ATAD2B: variants seen among roughly 807,000 people sequenced by gnomAD.
ATAD2B encodes the protein ATPase family AAA domain containing 2B.
A neutral mutation model predicts 167.6 loss-of-function variants in ATAD2B; 40 were observed. The ratio of observed to expected loss-of-function variants is 0.24; its 90% CI spans 0.19 to 0.31. The LOEUF is 0.31. Ranked by LOEUF, ATAD2B falls within the 10% of genes least tolerant of loss-of-function variation. The pLI, the probability that ATAD2B is intolerant of heterozygous loss-of-function variation, is 1.00. For synonymous variants in ATAD2B, 579 were observed against 596.5 expected, an observed-to-expected ratio of 0.97 and a Z score of 0.43; for missense variants, 1,242 against 1,757.2, an observed-to-expected ratio of 0.71 and a Z score of 5.24.
chr2:23,823,688 G>T, intron 15 of ATAD2B, 119 bp from the exon 16 acceptor site: 1 of 887,094 alleles, frequency 1.1e-6, no homozygotes, highest in Non-Finnish European at 1.6e-6. Flanking sequence ...CAATAACTAT[G>T]TGCAATTTTA....
At chr2:23,828,794 G>T in intron 15 of ATAD2B, 55 bp downstream of exon 15, 2 of 1,099,278 alleles carry the variant, frequency 1.8e-6, no homozygotes, top group Non-Finnish European at 1.4e-6. Context: ...AAGGGGAAAG[G>T]GAGGTTGAGC....
At chr2:23,812,848 C>CAA (rs71402512) in intron 17 of ATAD2B, among the ~76,000 whole-genome samples, 61,055 of 129,434 alleles carry the variant, frequency 0.47, 14,871 homozygotes, top group East Asian at 0.76. Flanking sequence ...GACTCAGTCT[C>CAA]AAAAAAAAAA....
At chr2:23,764,818 G>A (rs942193580) in intron 23 of ATAD2B, among the ~76,000 whole-genome samples, 4 of 142,136 alleles carry the variant, frequency 2.8e-5, no homozygotes, top group Non-Finnish European at 6.3e-5. Flanking sequence ...CTTTACATAT[G>A]CTATTGTTTT....
chr2:23,718,349 A>G, the ATAD2B span, among the ~76,000 whole-genome samples: 2 of 152,240 alleles, frequency 1.3e-5, no homozygotes, highest in African/African-American at 4.8e-5. Flanking sequence ...AGTGGCCATG[A>G]TAGCAGAAGT....
intron 13 of ATAD2B, among the ~76,000 whole-genome samples, chr2:23,837,955 A>C (rs1690275161): frequency 6.6e-6 from 1 of 152,210 alleles, no homozygotes; most frequent in South Asian, 2.1e-4. Context: ...CTGTAGTTCT[A>C]GTAACAATGT....
the ATAD2B span, among the ~76,000 whole-genome samples, chr2:23,678,310 T>C: frequency 4.1e-4 from 63 of 152,140 alleles, 1 homozygote; most frequent in African/African-American, 1.2e-3. Context: ...TTAGAACCAA[T>C]GGGGTTTGAG....
the ATAD2B span, among the ~76,000 whole-genome samples, chr2:23,722,613 G>A: frequency 2.0e-5 from 3 of 151,990 alleles, no homozygotes; most frequent in Non-Finnish European, 4.4e-5. Context: ...TCATATTATG[G>A]GCATTCCAGG....
At chr2:23,699,311 G>T in the ATAD2B span, among the ~76,000 whole-genome samples, 14 of 152,318 alleles carry the variant, frequency 9.2e-5, no homozygotes, top group South Asian at 2.9e-3. Flanking sequence ...AACCCTGGTG[G>T]CACAGCATGC....
chr2:23,885,097 T>C (rs192656203), intron 5 of ATAD2B, among the ~76,000 whole-genome samples: 2 of 152,292 alleles, frequency 1.3e-5, no homozygotes, highest in East Asian at 3.9e-4. Flanking sequence ...GCCAGCAACA[T>C]ACTTTCTCCC....
chr2:23,754,881 A>AG (rs1291558797), intron 25 of ATAD2B, 107 bp from the exon 26 acceptor site: 1 of 1,174,566 alleles, frequency 8.5e-7, no homozygotes. Flanking sequence ...TTTTGGAATG[A>AG]GGAAGGGTGT....
Position 23,795,582 on chromosome 2 carries a change from C to T in ATAD2B, c.2640+2556G>A, listed in dbSNP as rs1382508576. Among the ~76,000 whole-genome samples, 5 of 151,986 alleles carry T rather than the reference C, an allele frequency of 3.3e-5. No individual in the cohort carries two copies. The East Asian group carries it at 9.7e-4, about 29-fold the overall frequency. On this transcript the variant is annotated intron_variant, in intron 19 of 27. Transcript: ENST00000238789. Reference sequence around the variant, plus strand: ...TAGAGATTACTATCTTAGTTTGTGACCTAAAGAAAGCAAGCAGGCTAGGCG... The same window carrying T: ...TAGAGATTACTATCTTAGTTTGTGATCTAAAGAAAGCAAGCAGGCTAGGCG...
intron 14 of ATAD2B, among the ~76,000 whole-genome samples, chr2:23,831,148 C>T (rs1309368465): frequency 6.6e-6 from 1 of 152,090 alleles, no homozygotes; most frequent in East Asian, 1.9e-4. Context: ...CAAAGGGCTT[C>T]CTCTAATAGA....
the ATAD2B span, among the ~76,000 whole-genome samples, chr2:23,723,625 T>C: frequency 3.9e-5 from 6 of 152,080 alleles, no homozygotes; most frequent in Non-Finnish European, 7.4e-5. Context: ...AAAACCACAC[T>C]GAGGATGTAG....
chr2:23,735,897 A>G, the ATAD2B span, among the ~76,000 whole-genome samples: 1 of 152,246 alleles, frequency 6.6e-6, no homozygotes, highest in Non-Finnish European at 1.5e-5. Flanking sequence ...AAAATCTTGC[A>G]AAGAACTCTT....
the ATAD2B span, among the ~76,000 whole-genome samples, chr2:23,724,785 T>TG: frequency 1.7e-4 from 26 of 152,150 alleles, no homozygotes; most frequent in Non-Finnish European, 7.4e-5. Flanking sequence ...GGCTCACGCC[T>TG]GTAATCCCAG....
At chr2:23,804,850 T>C (rs77595113) in intron 18 of ATAD2B, among the ~76,000 whole-genome samples, 7,625 of 152,084 alleles carry the variant, frequency 0.05, 255 homozygotes, top group Middle Eastern at 0.075. Flanking sequence ...TTTGAAAATA[T>C]TTCTCTTGGC....
chr2:23,810,277 T>A (rs1229640544), intron 18 of ATAD2B, 39 bp downstream of exon 18: 1 of 1,540,996 alleles, frequency 6.5e-7, no homozygotes, highest in Non-Finnish European at 8.9e-7. Context: ...TTATAAGCAA[T>A]AAGAAAGTTG....
At chr2:23,864,783 T>TAATAAACATCTATGA (rs1268740811) in intron 11 of ATAD2B, 26 bp downstream of exon 11, 4 of 1,127,094 alleles carry the variant, frequency 3.5e-6, no homozygotes, top group Non-Finnish European at 5.1e-6. Flanking sequence ...GTAATAACAA[T>TAATAAACATCTATGA]AATAAACATC....
At chr2:23,881,402 C>G (rs1418406670) in intron 6 of ATAD2B, among the ~76,000 whole-genome samples, 1 of 144,196 alleles carries the variant, frequency 6.9e-6, no homozygotes, top group Non-Finnish European at 1.5e-5. Flanking sequence ...GTCTCTGTCG[C>G]CAGGCTGGAG....
Sources: gnomAD v4.1 joint callset for allele counts (sites outside exome capture counted in the v4.1 genomes callset) on GRCh38, gnomAD v4.1.1 for gene constraint, MANE v1.5 for transcripts, NCBI Gene and HGNC (gene_info 2026-07-23, HGNC 2026-07-21) for gene names.